FHL5: variants seen among roughly 807,000 people sequenced by gnomAD.
FHL5 encodes four and a half LIM domains 5, also known as four and a half LIM domains protein 5.
A neutral mutation model predicts 32.0 loss-of-function variants in FHL5; 33 were observed. The observed-to-expected ratio is 1.03, with a 90% CI of 0.78 to 1.38. FHL5 has a LOEUF of 1.38. FHL5 is among the 40% of genes most tolerant of loss of function. The pLI, the probability that FHL5 is intolerant of heterozygous loss-of-function variation, is 0.00. For synonymous variants in FHL5, 114 were observed against 113.6 expected (o/e 1.00, Z -0.02); for missense variants, 336 against 343.9 (o/e 0.98, Z 0.18).
chr6:96,598,701 A>C lies in FHL5; in HGVS notation c.-12-4901A>C, dbSNP rs540106072. Among the ~76,000 whole-genome samples, 3 of 152,298 alleles carry C rather than the reference A, an allele frequency of 2.0e-5. No homozygotes were observed. The South Asian group carries it at 6.2e-4, about 32-fold the overall frequency. On this transcript the variant is annotated intron_variant, in intron 1 of 5. Transcript: ENST00000450218. Reference sequence around the variant, plus strand: ...ATTCTAATGTGTACCCAATGTTTAGAACTACTGCTCTAAAACTTATAACCT... The same window carrying C: ...ATTCTAATGTGTACCCAATGTTTAGCACTACTGCTCTAAAACTTATAACCT...
chr6:96,581,389 A>G (rs75121691), intron 1 of FHL5, among the ~76,000 whole-genome samples: 5,004 of 152,276 alleles, frequency 0.033, 234 homozygotes, highest in African/African-American at 0.098. Flanking sequence ...AAAGACACAA[A>G]AGCCATTGTT....
chr6:96,562,659 G>A (rs1000036928), upstream of FHL5: 18 of 152,172 alleles, frequency 1.2e-4, no homozygotes, highest in Non-Finnish European at 1.5e-5. Flanking sequence ...AATTTCCCAA[G>A]AAGGGAGAGA....
chr6:96,585,303 A>G (rs1262893881), intron 1 of FHL5, among the ~76,000 whole-genome samples: 1 of 152,206 alleles, frequency 6.6e-6, no homozygotes, highest in Non-Finnish European at 1.5e-5. Context: ...TAAAGAAAAA[A>G]GAAAAAATCT....
intron 1 of FHL5, among the ~76,000 whole-genome samples, chr6:96,596,538 C>G (rs1209512356): frequency 3.3e-5 from 5 of 152,010 alleles, no homozygotes; most frequent in African/African-American, 1.2e-4. Context: ...TTTGAAAACA[C>G]TGTGACCTTC....
At chr6:96,615,497 C>T (rs1771498237) in intron 5 of FHL5, 112 bp from the exon 6 acceptor site, 2 of 776,188 alleles carry the variant, frequency 2.6e-6, no homozygotes, top group South Asian at 5.6e-5. Flanking sequence ...TTATTTGCCT[C>T]TGCGTTGTTT....
chr6:96,595,286 A>G (rs940007961), intron 1 of FHL5, among the ~76,000 whole-genome samples: 2 of 151,310 alleles, frequency 1.3e-5, no homozygotes, highest in African/African-American at 4.8e-5. Flanking sequence ...GCATTATTTC[A>G]GTTTCTTCTG....
intron 1 of FHL5, among the ~76,000 whole-genome samples, chr6:96,599,771 C>T (rs1284971934): frequency 6.6e-6 from 1 of 152,208 alleles, no homozygotes; most frequent in Non-Finnish European, 1.5e-5. Context: ...AAGTGAATGA[C>T]TAGCACTGCT....
At chr6:96,585,493 T>C (rs1392774374) in intron 1 of FHL5, among the ~76,000 whole-genome samples, 1 of 152,110 alleles carries the variant, frequency 6.6e-6, no homozygotes, top group Non-Finnish European at 1.5e-5. Context: ...TATGCAAAAG[T>C]AATAATTATG....
chr6:96,605,117 C>T (rs1046942342), intron 3 of FHL5, among the ~76,000 whole-genome samples, 193 bp downstream of exon 3: 1 of 152,184 alleles, frequency 6.6e-6, no homozygotes, highest in African/African-American at 2.4e-5. Context: ...AGGTAAATTA[C>T]AGTGTTCTGT....
At chr6:96,605,762 T>C (rs1771262476) in intron 3 of FHL5, 140 bp from the exon 4 acceptor site, 1 of 741,704 alleles carries the variant, frequency 1.3e-6, no homozygotes, top group Non-Finnish European at 2.1e-6. Context: ...TTTTTGAACC[T>C]GAAAAAATAC....
chr6:96,583,071 G>A (rs530904417), intron 1 of FHL5, among the ~76,000 whole-genome samples: 1 of 152,142 alleles, frequency 6.6e-6, no homozygotes, highest in African/African-American at 2.4e-5. Flanking sequence ...CAAACTATAC[G>A]CTAGGGCTAA....
At chr6:96,615,516 G>T in intron 5 of FHL5, 93 bp from the exon 6 acceptor site, 1 of 1,035,420 alleles carries the variant, frequency 9.7e-7, no homozygotes, top group Non-Finnish European at 1.4e-6. Context: ...TTTGCTCATA[G>T]CTCTATCTCC....
At chr6:96,603,867 A>G in intron 2 of FHL5, 95 bp downstream of exon 2, 10 of 945,978 alleles carry the variant, frequency 1.1e-5, no homozygotes, top group South Asian at 1.6e-5. Context: ...TTTCAACACT[A>G]TTTCTCTGCT....
chr6:96,615,724 G>C lies in FHL5; in HGVS notation c.807G>C (p.Lys269Asn), dbSNP rs764913859. ...LVGKGFLTQN[K>N]EIFCQKCGSG... is the part of the protein sequence containing the mutation. The stretch of plus-strand genomic sequence containing the variant: ...GTAAAGGCTTCCTGACCCAGAACAA[G>C]GAAATCTTCTGCCAAAAATGTGGCT... Residue 269 changes from lysine to asparagine, a missense_variant, in exon 6 of 6, where the codon AAG (lysine) becomes AAC (asparagine). Coordinates refer to ENST00000450218, the MANE Select transcript of FHL5 (RefSeq NM_001322466.2). 6 of 1,611,830 alleles carry C rather than the reference G, an allele frequency of 3.7e-6. No individual in the cohort carries two copies. The highest frequency in any genetic ancestry group is 5.1e-6 in the Non-Finnish European group (6 of 1,179,084).
chr6:96,581,520 G>A (rs1430276352), intron 1 of FHL5, among the ~76,000 whole-genome samples: 1 of 152,152 alleles, frequency 6.6e-6, no homozygotes, highest in African/African-American at 2.4e-5. Flanking sequence ...TACAGATGGG[G>A]CCTGTGTTAC....
At chr6:96,571,561 G>A (rs1582457093) in intron 1 of FHL5, among the ~76,000 whole-genome samples, 2 of 152,260 alleles carry the variant, frequency 1.3e-5, no homozygotes, top group East Asian at 1.9e-4. Flanking sequence ...GGCTTGGGGT[G>A]CAGCTTCACC....
chr6:96,603,525 A>G (rs555270864), intron 1 of FHL5, 77 bp from the exon 2 acceptor site: 3 of 1,055,256 alleles, frequency 2.8e-6, no homozygotes, highest in Admixed American at 2.3e-5. Flanking sequence ...CTTCACTCAC[A>G]TTATATTAAG....
At chr6:96,604,307 T>TTCTCTCTC (rs3839356) in intron 2 of FHL5, among the ~76,000 whole-genome samples, 1 of 145,818 alleles carries the variant, frequency 6.9e-6, no homozygotes, top group Non-Finnish European at 1.5e-5. Context: ...TCCTCTCTCT[T>TTCTCTCTC]TCTCTCTCTC....
At chr6:96,578,785 T>C (rs928400145) in intron 1 of FHL5, among the ~76,000 whole-genome samples, 1 of 152,078 alleles carries the variant, frequency 6.6e-6, no homozygotes, top group Non-Finnish European at 1.5e-5. Context: ...GAAGCTGCAG[T>C]GAGCCGAGAT....
Sources: gnomAD v4.1 joint callset for allele counts (sites outside exome capture counted in the v4.1 genomes callset) on GRCh38, gnomAD v4.1.1 for gene constraint, MANE v1.5 for transcripts, NCBI Gene and HGNC (gene_info 2026-07-23, HGNC 2026-07-21) for gene names.